Variants in HOOK1 observed in about 807,000 individuals in gnomAD.
HOOK1 encodes protein Hook homolog 1.
Under a neutral mutation model 112.8 loss-of-function variants are expected in HOOK1, and 60 were observed. That is an observed-to-expected ratio of 0.53 (90% CI 0.43 to 0.66). HOOK1 has a LOEUF of 0.66. HOOK1 is among the 30% of genes least tolerant of loss of function. The pLI, the probability that HOOK1 is intolerant of heterozygous loss-of-function variation, is 0.00. For synonymous variants in HOOK1, 294 were observed against 283.8 expected (o/e 1.04, Z -0.36); for missense variants, 770 against 856.0 (o/e 0.90, Z 1.25).
At chr1:59,871,182 A>T in intron 21 of HOOK1, 72 bp downstream of exon 21, 2 of 926,954 alleles carry the variant, frequency 2.2e-6, no homozygotes, top group Admixed American at 4.0e-5. Context: ...CAAGTACAAC[A>T]TAAGAAAATA....
chr1:59,865,556 G>A (rs935579103), intron 18 of HOOK1, among the ~76,000 whole-genome samples: 2 of 152,002 alleles, frequency 1.3e-5, no homozygotes, highest in African/African-American at 2.4e-5. Context: ...GTGTAGAAAT[G>A]CTTTATTTTT....
chr1:59,859,128 C>G, intron 14 of HOOK1, 83 bp downstream of exon 14: 1 of 498,662 alleles, frequency 2.0e-6, no homozygotes, highest in Non-Finnish European at 3.2e-6. Flanking sequence ...CCTTTAAAAA[C>G]TTATTTTATG....
intron 9 of HOOK1, among the ~76,000 whole-genome samples, chr1:59,846,596 C>A (rs575952380): frequency 1.2e-5 from 1 of 86,674 alleles, no homozygotes; most frequent in South Asian, 4.6e-4. Context: ...CCTCCCTCCT[C>A]CCTCCCTCCC....
At chr1:59,840,897 T>G (rs1424656545) in intron 8 of HOOK1, among the ~76,000 whole-genome samples, 2 of 152,136 alleles carry the variant, frequency 1.3e-5, no homozygotes, top group Non-Finnish European at 2.9e-5. Flanking sequence ...TAAAATGAAC[T>G]TGGCATGAGC....
At position 59,876,093 on chromosome 1, in the gene HOOK1, A is replaced by C. The variant is rs1200937916; in HGVS notation, c.*3128A>C. ...TATGTGAACGTATGCATACATTTTT[A>C]TTGTGCACCTGTACATTGTGAAGAA... On this transcript the variant is annotated 3_prime_UTR_variant, in exon 22 of 22. Coordinates refer to ENST00000371208, the MANE Select transcript of HOOK1 (RefSeq NM_015888.6). 1 of 152,642 alleles carries C rather than the reference A, an allele frequency of 6.6e-6. No individual in the cohort carries two copies. The highest frequency in any genetic ancestry group is 1.5e-5 in the Non-Finnish European group (1 of 68,022). The allele number at this position is 152,642 out of a possible 1,614,324, so 9.5% of individuals were successfully genotyped here. A position where few individuals can be genotyped will look rare whatever the true frequency, so the allele number is the denominator to read the frequency against.
chr1:59,836,154 G>T (rs1038396221), intron 6 of HOOK1, among the ~76,000 whole-genome samples: 1 of 152,050 alleles, frequency 6.6e-6, no homozygotes, highest in Admixed American at 6.6e-5. Context: ...AAATATGGTG[G>T]TACTTAGGTT....
At chr1:59,825,507 AAT>A (rs1228261378) in intron 2 of HOOK1, among the ~76,000 whole-genome samples, 1 of 152,238 alleles carries the variant, frequency 6.6e-6, no homozygotes, top group Non-Finnish European at 1.5e-5. Context: ...CCAACATCTG[AAT>A]ATATACTAAA....
chr1:59,870,872 G>A (rs1644045045), intron 20 of HOOK1, 170 bp from the exon 21 acceptor site: 1 of 551,324 alleles, frequency 1.8e-6, no homozygotes, highest in Admixed American at 3.2e-5. Context: ...TTTCCTAAAG[G>A]TGTTGGGCAT....
Position 59,832,187 on chromosome 1 carries a change from C to G in HOOK1, c.247C>G (p.Gln83Glu), listed in dbSNP as rs1404861192. 1 of 1,554,386 alleles carries G rather than the reference C, an allele frequency of 6.4e-7. No individual in the cohort carries two copies. The highest frequency in any genetic ancestry group is 1.8e-5 in the Admixed American group (1 of 54,294). The change falls in exon 4 of 22, where the codon CAA (glutamine) becomes GAA (glutamate). Residue 83 changes from glutamine to glutamate, a missense_variant. By Grantham distance (29) the Gln-to-Glu change is conservative (BLOSUM62 2). This residue lies in a region of HOOK1 where 655 missense variants were observed against 725.9 expected (regional missense o/e 0.90). Coordinates refer to ENST00000371208, the MANE Select transcript of HOOK1 (RefSeq NM_015888.6). The part of the protein sequence containing the change: ...IKASNVKKVL[Q>E]GIMSYYHEFL... The stretch of plus-strand genomic sequence containing the variant: ...GGCCAGTAATGTAAAGAAGGTCCTT[C>G]AAGGAATTATGAGTTATTATCATGA...
intron 12 of HOOK1, among the ~76,000 whole-genome samples, chr1:59,854,017 TATATATATATA>T: frequency 4.4e-5 from 1 of 22,538 alleles, no homozygotes; most frequent in Non-Finnish European, 1.1e-4. Context: ...TATATATATA[TATATATATATA>T]TATATATATA....
chr1:59,865,788 A>G, intron 18 of HOOK1, 84 bp from the exon 19 acceptor site: 1 of 485,702 alleles, frequency 2.1e-6, no homozygotes, highest in Non-Finnish European at 3.5e-6. Context: ...AATATTATAA[A>G]TATAATTTTA....
intron 21 of HOOK1, among the ~76,000 whole-genome samples, chr1:59,872,135 C>A (rs958190187): frequency 6.6e-6 from 1 of 152,112 alleles, no homozygotes. Context: ...GTACTAGTTA[C>A]TAGTGATGCT....
At chr1:59,842,062 T>G (rs1186778695) in intron 8 of HOOK1, among the ~76,000 whole-genome samples, 1 of 152,130 alleles carries the variant, frequency 6.6e-6, no homozygotes, top group African/African-American at 2.4e-5. Context: ...AGGAGCAAGA[T>G]TGGTTATTCA....
In HOOK1 at chr1:59,865,239, C is replaced by A. The variant is rs1643941419; in HGVS notation, c.1738C>A (p.Gln580Lys). Residue 580 changes from glutamine to lysine, a missense_variant, in exon 18 of 22, where the codon CAA (glutamine) becomes AAA (lysine). Physicochemically the swap from Gln to Lys is moderately conservative, Grantham distance 53 (BLOSUM62 1). This residue lies in a region of HOOK1 where 655 missense variants were observed against 725.9 expected (regional missense o/e 0.90). Coordinates refer to ENST00000371208, the MANE Select transcript of HOOK1 (RefSeq NM_015888.6). ...LIEDLQPDIN[Q>K]NVQKINELEA... is the part of the protein sequence containing the mutation. ...TGAAGATCTTCAGCCAGATATAAAT[C>A]AAAATGGTAGGTATCTGTGAAAACT... 3.8e-6 allele frequency: 6 copies of A among 1,584,682 alleles called. No individual in the cohort carries two copies. Among genetic ancestry groups the A allele is most frequent in the African/African-American group, 1.3e-5 (1 of 74,374 alleles).
In HOOK1 at chr1:59,865,914, A is replaced by T; in HGVS notation, c.1787A>T (p.Asp596Val). The change falls in exon 19 of 22, where the codon GAT (aspartate) becomes GTT (valine). Residue 596 changes from aspartate (D) to valine (V), a missense_variant. Transcript: ENST00000371208. Reference sequence around the variant, plus strand: ...CTTGAAGCTGCTCTTCAGAAGAAAGATGAAGATATGAAAGCAATGGAGGAA... The same window carrying T: ...CTTGAAGCTGCTCTTCAGAAGAAAGTTGAAGATATGAAAGCAATGGAGGAA... ...NELEAALQKKDEDMKAMEERY... is the reference protein window; with the variant it reads ...NELEAALQKKVEDMKAMEERY... The T allele has an allele frequency of 6.3e-7, 1 of 1,595,816 alleles. No homozygotes were observed. The highest frequency in any genetic ancestry group is 1.1e-5 in the South Asian group (1 of 88,616).
intron 5 of HOOK1, 44 bp from the exon 6 acceptor site, chr1:59,835,301 G>A: frequency 5.6e-6 from 6 of 1,075,728 alleles, no homozygotes; most frequent in Non-Finnish European, 8.6e-6. Flanking sequence ...GGTACTATGT[G>A]TAAAGAGTAG....
chr1:59,858,585 A>G lies in HOOK1; in HGVS notation c.1330+70A>G, dbSNP rs1470453058. On this transcript the variant is annotated intron_variant, in intron 13 of 21. Transcript: ENST00000371208. ...GTGGGACTCCATTCAACAAAAAATAAAAACTTAACCTGTCATGGTGGCGCA... is the reference window on the plus strand; with the variant it reads ...GTGGGACTCCATTCAACAAAAAATAGAAACTTAACCTGTCATGGTGGCGCA... 3 of 1,024,440 alleles carry G rather than the reference A, an allele frequency of 2.9e-6. No individual in the cohort carries two copies. The African/African-American group carries it at 4.7e-5, about 16-fold the overall frequency. The allele number at this position is 1,024,440 out of a possible 1,614,324, so 63.5% of individuals were successfully genotyped here. A position where few individuals can be genotyped will look rare whatever the true frequency, so the allele number is the denominator to read the frequency against.
At chr1:59,843,297 A>G in intron 8 of HOOK1, 135 bp from the exon 9 acceptor site, 1 of 488,134 alleles carries the variant, frequency 2.0e-6, no homozygotes, top group Non-Finnish European at 3.6e-6. Flanking sequence ...GATCCTTAGA[A>G]CTCATCTAGT....
intron 17 of HOOK1, 22 bp from the exon 18 acceptor site, chr1:59,865,141 C>T: frequency 6.9e-7 from 1 of 1,457,930 alleles, no homozygotes; most frequent in African/African-American, 1.4e-5. Context: ...AGACCAGTCT[C>T]CATGCTTTTT....
Sources: gnomAD v4.1 joint callset for allele counts (sites outside exome capture counted in the v4.1 genomes callset) on GRCh38, gnomAD v4.1.1 for gene constraint, gnomAD v4.1.1 regional missense constraint, MANE v1.5 for transcripts, NCBI Gene and HGNC (gene_info 2026-07-23, HGNC 2026-07-21) for gene names.